The following ZNF713 variants were observed in gnomAD, a reference collection of about 807,000 sequenced individuals.
ZNF713 encodes the protein zinc finger protein 713.
ZNF713 carries 21 observed loss-of-function variants against 28.7 expected under a neutral mutation model. That is an observed-to-expected ratio of 0.73 (90% CI 0.52 to 1.05). The LOEUF (loss-of-function observed/expected upper bound fraction) is 1.05. Among genes scored for constraint, ZNF713 ranks in the 50% least tolerant of loss-of-function variants. ZNF713 has a pLI of 0.00. For synonymous variants in ZNF713, 167 were observed against 178.0 expected, an observed-to-expected ratio of 0.94 and a Z score of 0.49; for missense variants, 458 against 532.4, an observed-to-expected ratio of 0.86 and a Z score of 1.37.
Position 55,940,263 on chromosome 7 carries a change from C to T in ZNF713, c.*257C>T. ...TCAGCCTCCTGAGTAGCTGGGACCA[C>T]AGGTATGCACCACCACGCCCAGCTA... is the stretch of plus-strand genomic sequence containing the variant. On this transcript the variant is annotated 3_prime_UTR_variant, in exon 7 of 7. Transcript: ENST00000429591. 1.8e-6 allele frequency: 1 copy of T among 542,994 alleles called. No individual in the cohort carries two copies. The highest frequency in any genetic ancestry group is 2.7e-6 in the Non-Finnish European group (1 of 374,718). 33.6% of individuals were successfully genotyped at this position (542,994 alleles called of 1,614,324 possible). A position where few individuals can be genotyped will look rare whatever the true frequency, so the allele number is the denominator to read the frequency against.
intron 6 of ZNF713, among the ~76,000 whole-genome samples, chr7:55,931,014 G>T (rs73360334): frequency 0.045 from 6,875 of 152,152 alleles, 475 homozygotes; most frequent in African/African-American, 0.15. Flanking sequence ...GAGGCCTAGC[G>T]CAGTGGTGCA....
chr7:55,933,924 T>C (rs1444699587), intron 6 of ZNF713, among the ~76,000 whole-genome samples: 4 of 151,998 alleles, frequency 2.6e-5, no homozygotes, highest in African/African-American at 9.7e-5. Context: ...CAGGCTGGTC[T>C]TGAGCTCCTG....
chr7:55,925,668 C>G (rs1265933984), intron 6 of ZNF713, among the ~76,000 whole-genome samples: 4 of 152,190 alleles, frequency 2.6e-5, no homozygotes, highest in Non-Finnish European at 5.9e-5. Context: ...TTTAGCCTCA[C>G]TGAGATCTCT....
At chr7:55,934,832 T>C (rs1786311821) in intron 6 of ZNF713, among the ~76,000 whole-genome samples, 1 of 151,784 alleles carries the variant, frequency 6.6e-6, no homozygotes, top group Non-Finnish European at 1.5e-5. Context: ...GAGAACAATT[T>C]GACAGAATTT....
At chr7:55,892,871 GAAA>G (rs1194009107) in intron 1 of ZNF713, among the ~76,000 whole-genome samples, 13 of 123,634 alleles carry the variant, frequency 1.1e-4, no homozygotes, top group Non-Finnish European at 1.5e-4. Context: ...AATTGTTTGG[GAAA>G]AAAAAAAAAA....
Position 55,911,725 on chromosome 7 carries a change from G to C in ZNF713, c.-346G>C, listed in dbSNP as rs571370283. The C allele has an allele frequency of 2.0e-4, 30 of 152,162 alleles. No homozygotes were observed. Among genetic ancestry groups the C allele is most frequent in the Non-Finnish European group, 3.5e-4 (24 of 67,994 alleles). The allele number at this position is 152,162 out of a possible 1,614,324, so 9.4% of individuals were successfully genotyped here. A position where few individuals can be genotyped will look rare whatever the true frequency, so the allele number is the denominator to read the frequency against. ...GATGCTTTTAGGGAGGAAAAAAAAAGGTAATAACAACCTTCAAGAGCCCCT... is the reference window on the plus strand; with the variant it reads ...GATGCTTTTAGGGAGGAAAAAAAAACGTAATAACAACCTTCAAGAGCCCCT... On this transcript the variant is annotated 5_prime_UTR_variant, in exon 3 of 7. Transcript: ENST00000429591.
In ZNF713 at chr7:55,931,529, CCCCTT is replaced by C. The variant is rs781003131; in HGVS notation, c.308-7447_308-7443del. Among the ~76,000 whole-genome samples the C allele has an allele frequency of 6.5e-4, 98 of 150,688 alleles. 1 individual carries two copies. Among genetic ancestry groups the C allele is most frequent in the Non-Finnish European group, 3.5e-4 (24 of 67,712 alleles). ...ATATTTTTTCAAAAAAATTGTTTTC[CCCCTT>C]CCCTTTCTCCCTAATTCTCTCCCTC... On this transcript the variant is annotated intron_variant, in intron 6 of 6. Coordinates refer to ENST00000429591, the MANE Select transcript of ZNF713 (RefSeq NM_182633.3).
chr7:55,893,910 G>A (rs1473919455), intron 1 of ZNF713, among the ~76,000 whole-genome samples: 1 of 152,170 alleles, frequency 6.6e-6, no homozygotes, highest in Admixed American at 6.5e-5. Flanking sequence ...CCTGCCTTGG[G>A]GAAGGGGTAT....
intron 6 of ZNF713, among the ~76,000 whole-genome samples, chr7:55,931,716 G>A (rs988461860): frequency 6.6e-6 from 1 of 151,836 alleles, no homozygotes; most frequent in African/African-American, 2.4e-5. Context: ...AAAAGCCATG[G>A]ATGGGCCTGA....
intron 6 of ZNF713, among the ~76,000 whole-genome samples, chr7:55,925,072 G>A (rs945634835): frequency 2.6e-5 from 4 of 151,494 alleles, no homozygotes; most frequent in Non-Finnish European, 2.9e-5. Context: ...CACCTACGAT[G>A]TTCTGCCTGG....
intron 4 of ZNF713, among the ~76,000 whole-genome samples, chr7:55,922,721 C>A (rs1786016112): frequency 6.6e-6 from 1 of 152,060 alleles, no homozygotes; most frequent in African/African-American, 2.4e-5. Context: ...AAGGTATGCA[C>A]ATTATTTATT....
chr7:55,929,334 A>G (rs555698805), intron 6 of ZNF713, among the ~76,000 whole-genome samples: 3 of 152,328 alleles, frequency 2.0e-5, no homozygotes, highest in Admixed American at 1.3e-4. Flanking sequence ...AACAGAATAG[A>G]CAAGTCAGAA....
intron 6 of ZNF713, among the ~76,000 whole-genome samples, chr7:55,927,081 G>A (rs1032107429): frequency 6.6e-6 from 1 of 152,144 alleles, no homozygotes; most frequent in Non-Finnish European, 1.5e-5. Context: ...GGTAGAGGTT[G>A]CAGTGAGCCA....
intron 2 of ZNF713, among the ~76,000 whole-genome samples, chr7:55,909,196 CAAAAAAA>C (rs71015121): frequency 3.7e-5 from 2 of 53,374 alleles, no homozygotes; most frequent in African/African-American, 7.2e-5. Flanking sequence ...AAGACTCCGT[CAAAAAAA>C]AAAAAAAAAA....
At chr7:55,912,497 T>C (rs527369526) in intron 3 of ZNF713, 138 bp from the exon 4 acceptor site, 42 of 598,582 alleles carry the variant, frequency 7.0e-5, no homozygotes, top group South Asian at 5.1e-4. Flanking sequence ...CATAGAAGAG[T>C]AGAGACGTCA....
chr7:55,892,346 A>G (rs1785396525), intron 1 of ZNF713, among the ~76,000 whole-genome samples: 2 of 151,264 alleles, frequency 1.3e-5, no homozygotes, highest in African/African-American at 4.9e-5. Flanking sequence ...CGTGCCATAC[A>G]GAACCAGGGA....
intron 2 of ZNF713, among the ~76,000 whole-genome samples, chr7:55,909,466 T>C (rs1785744357): frequency 6.6e-6 from 1 of 152,306 alleles, no homozygotes; most frequent in African/African-American, 2.4e-5. Context: ...TGAAGTCACA[T>C]AATGTGATGC....
chr7:55,920,351 T>C (rs1453858663), intron 4 of ZNF713, among the ~76,000 whole-genome samples: 1 of 152,100 alleles, frequency 6.6e-6, no homozygotes, highest in African/African-American at 2.4e-5. Context: ...TTGAAGAAAA[T>C]TAAAATTGCT....
At chr7:55,890,974 C>T (rs1035777858) in intron 1 of ZNF713, among the ~76,000 whole-genome samples, 4 of 141,940 alleles carry the variant, frequency 2.8e-5, no homozygotes, top group East Asian at 2.1e-4. Context: ...CTAGCCTGGA[C>T]GACAGAGTGA....
Sources: allele counts gnomAD v4.1 joint callset (sites outside exome capture counted in the v4.1 genomes callset), GRCh38; gene constraint gnomAD v4.1.1; transcripts MANE v1.5; gene names NCBI Gene and HGNC (gene_info 2026-07-23, HGNC 2026-07-21).